Variants in SPSB1 observed in about 807,000 individuals in gnomAD.
SPSB1 encodes splA/ryanodine receptor domain and SOCS box containing 1.
Under a neutral mutation model 21.2 loss-of-function variants are expected in SPSB1, and 8 were observed. The observed-to-expected ratio is 0.38, with a 90% CI of 0.22 to 0.68. SPSB1 has a LOEUF of 0.68. Ranked by LOEUF, SPSB1 falls within the 30% of genes least tolerant of loss-of-function variation. The pLI is 0.53. For synonymous variants in SPSB1, 169 were observed against 161.7 expected (o/e 1.05, Z -0.34); for missense variants, 242 against 377.8 (o/e 0.64, Z 2.98).
intron 1 of SPSB1, among the ~76,000 whole-genome samples, chr1:9,349,502 G>A (rs541784244): frequency 9.2e-5 from 14 of 152,252 alleles, no homozygotes; most frequent in Non-Finnish European, 1.9e-4. Context: ...AGGCCTTGGC[G>A]CCAGCGCCGT....
At chr1:9,318,307 T>TAG (rs1639647594) in intron 1 of SPSB1, among the ~76,000 whole-genome samples, 1 of 152,190 alleles carries the variant, frequency 6.6e-6, no homozygotes, top group African/African-American at 2.4e-5. Context: ...CCCTTGCTGG[T>TAG]TGTTCTCTCC....
Position 9,345,316 on chromosome 1 carries a change from G to T in SPSB1, c.-149-10427G>T, listed in dbSNP as rs184076152. On this transcript the variant is annotated intron_variant, in intron 1 of 2. Transcript: ENST00000328089. The surrounding 1 kb of genome is among the most constrained non-coding windows in gnomAD (Gnocchi z 4.8). ...GGTGGCTCTTTTCTTGGAGATGGCC[G>T]TGGGGCTGCTTTTGGGCCTGCCTTT... Among the ~76,000 whole-genome samples, 36 of 152,300 alleles carry T rather than the reference G, an allele frequency of 2.4e-4. No homozygotes were observed. In the East Asian group the frequency reaches 6.4e-3, roughly 27 times the overall value.
intron 1 of SPSB1, among the ~76,000 whole-genome samples, chr1:9,310,233 C>T (rs1351584779): frequency 2.0e-5 from 3 of 152,220 alleles, no homozygotes; most frequent in Non-Finnish European, 2.9e-5. Context: ...GTCTAGGGCC[C>T]GTGCTGGTGG....
Position 9,353,433 on chromosome 1 carries a change from A to G in SPSB1, c.-149-2310A>G, listed in dbSNP as rs1299392724. 2.0e-5 allele frequency among the ~76,000 whole-genome samples: 3 copies of G among 152,154 alleles called. No individual in the cohort carries two copies. In the East Asian group the frequency reaches 5.8e-4, roughly 29 times the overall value. On this transcript the variant is annotated intron_variant, in intron 1 of 2. Transcript: ENST00000328089. The stretch of plus-strand genomic sequence containing the variant: ...AGTGGCTCCCAGGAGAGGAGATGGA[A>G]CTAAAAGCTTGAAAATGGGATTTTC...
chr1:9,307,152 T>G (rs1639429966), intron 1 of SPSB1, among the ~76,000 whole-genome samples: 1 of 152,142 alleles, frequency 6.6e-6, no homozygotes, highest in Non-Finnish European at 1.5e-5. Context: ...GGTCTCGAAC[T>G]CCTGACCTCA....
Position 9,356,004 on chromosome 1 carries a change from A to T in SPSB1, c.113A>T (p.Asp38Val). The T allele has an allele frequency of 6.2e-7, 1 of 1,614,134 alleles. No homozygotes were observed. The highest frequency in any genetic ancestry group is 8.5e-7 in the Non-Finnish European group (1 of 1,180,022). Residue 38 changes from aspartate to valine, a missense_variant, in exon 2 of 3, where the codon GAT becomes GTT. By Grantham distance (152) the Asp-to-Val change is radical (BLOSUM62 -3). Transcript: ENST00000328089. This position sits in a 1 kb window ranked among gnomAD's most constrained non-coding sequence, Gnocchi z 7.4. ...GATTACTGCAAGCCCACCCGGCTGG[A>T]TCTGCTACTGGACATGCCCCCTGTG... The part of the protein sequence containing the change: ...GLDYCKPTRL[D>V]LLLDMPPVSY...
intron 1 of SPSB1, among the ~76,000 whole-genome samples, chr1:9,325,235 C>CT (rs1019658228): frequency 6.8e-6 from 1 of 146,778 alleles, no homozygotes; most frequent in Non-Finnish European, 1.5e-5. Context: ...ACCCCCCCCC[C>CT]CCGCCCCGCC....
chr1:9,299,279 A>T (rs1167849280), intron 1 of SPSB1, among the ~76,000 whole-genome samples: 1 of 152,218 alleles, frequency 6.6e-6, no homozygotes, highest in Non-Finnish European at 1.5e-5. Flanking sequence ...TGATGGGTAT[A>T]TCAGCTCTCC....
At chr1:9,332,339 C>A (rs1639935144) in intron 1 of SPSB1, among the ~76,000 whole-genome samples, 1 of 152,074 alleles carries the variant, frequency 6.6e-6, no homozygotes, top group Non-Finnish European at 1.5e-5. Flanking sequence ...ATGGGGGCAG[C>A]AATTTACAAT....
intron 1 of SPSB1, among the ~76,000 whole-genome samples, chr1:9,306,097 G>A (rs1205568040): frequency 6.6e-6 from 1 of 152,202 alleles, no homozygotes. Context: ...CCATGCTCCT[G>A]CAGCGGGAGG....
At chr1:9,347,299 A>G (rs1640179647) in intron 1 of SPSB1, among the ~76,000 whole-genome samples, 1 of 152,264 alleles carries the variant, frequency 6.6e-6, no homozygotes, top group African/African-American at 2.4e-5. Context: ...CAGAACCTGT[A>G]GGAATTGCTT....
In SPSB1 at chr1:9,324,226, G is replaced by A. The variant is rs77938148; in HGVS notation, c.-150+31155G>A. 0.013 allele frequency among the ~76,000 whole-genome samples: 2,004 copies of A among 152,336 alleles called. 31 individuals are homozygous for A. Among genetic ancestry groups the A allele is most frequent in the Non-Finnish European group, 0.023 (1,566 of 68,034 alleles). Reference sequence around the variant, plus strand: ...CTCTGACGCAGCTGGAATGGGCCTAGGTGGGAGGGACTTTGTCTTTACTAC... The same window carrying A: ...CTCTGACGCAGCTGGAATGGGCCTAAGTGGGAGGGACTTTGTCTTTACTAC... On this transcript the variant is annotated intron_variant, in intron 1 of 2. Coordinates refer to ENST00000328089, the MANE Select transcript of SPSB1 (RefSeq NM_025106.4). This position sits in a 1 kb window ranked among gnomAD's most constrained non-coding sequence, Gnocchi z 4.3.
rs76961015 is a variant in SPSB1 at position 9,351,117 on chromosome 1, C to T, written c.-149-4626C>T. Among the ~76,000 whole-genome samples the T allele has an allele frequency of 1.3e-3, 201 of 152,314 alleles. 2 individuals are homozygous for T. Among genetic ancestry groups the T allele is most frequent in the African/African-American group, 4.4e-3 (184 of 41,586 alleles). ...ACAACAGCTCCTGGGCCAAATCTGGCCCACTGTCTATTTTTGTAAATAAAG... is the reference window on the plus strand; with the variant it reads ...ACAACAGCTCCTGGGCCAAATCTGGTCCACTGTCTATTTTTGTAAATAAAG... On this transcript the variant is annotated intron_variant, in intron 1 of 2. Coordinates refer to ENST00000328089, the MANE Select transcript of SPSB1 (RefSeq NM_025106.4).
intron 2 of SPSB1, among the ~76,000 whole-genome samples, chr1:9,357,511 C>T (rs1190696119): frequency 6.6e-5 from 10 of 152,170 alleles, no homozygotes; most frequent in Non-Finnish European, 8.8e-5. Context: ...AGGGCCTCTC[C>T]GGTAAATGAA....
At chr1:9,329,427 GA>G (rs1237149039) in intron 1 of SPSB1, among the ~76,000 whole-genome samples, 1 of 152,096 alleles carries the variant, frequency 6.6e-6, no homozygotes, top group Non-Finnish European at 1.5e-5. Flanking sequence ...CAGGTGAGAG[GA>G]TCCGAGGAAG....
intron 1 of SPSB1, among the ~76,000 whole-genome samples, chr1:9,295,819 T>C (rs1233744801): frequency 6.6e-6 from 1 of 152,196 alleles, no homozygotes; most frequent in Non-Finnish European, 1.5e-5. Flanking sequence ...GGGCATTTTG[T>C]ATCAATTTTT....
In SPSB1 at chr1:9,363,452, G is replaced by A. The variant is rs1045510420; in HGVS notation, c.695-3996G>A. ...CAAGTCCTCTACCCCACACAGCTGC[G>A]TTCACAGGGGATGGATTGTGGCAGC... is the stretch of plus-strand genomic sequence containing the variant. On this transcript the variant is annotated intron_variant, in intron 2 of 2. Coordinates refer to ENST00000328089, the MANE Select transcript of SPSB1 (RefSeq NM_025106.4). The surrounding 1 kb of genome is among the most constrained non-coding windows in gnomAD (Gnocchi z 4.5). Among the ~76,000 whole-genome samples the A allele has an allele frequency of 4.6e-5, 7 of 152,126 alleles. No individual in the cohort carries two copies. The highest frequency in any genetic ancestry group is 9.7e-5 in the African/African-American group (4 of 41,420).
intron 1 of SPSB1, among the ~76,000 whole-genome samples, chr1:9,333,093 C>T (rs138669166): frequency 1.5e-3 from 227 of 152,360 alleles, no homozygotes; most frequent in African/African-American, 4.7e-3. Flanking sequence ...ATCAGCCTCC[C>T]AGGTGCACAC....
At chr1:9,340,480 T>G (rs1640073274) in intron 1 of SPSB1, among the ~76,000 whole-genome samples, 1 of 152,256 alleles carries the variant, frequency 6.6e-6, no homozygotes, top group South Asian at 2.1e-4. Context: ...TCTTGCTGCC[T>G]CAGCAGAAAA....
Sources: gnomAD v4.1 joint callset for allele counts (sites outside exome capture counted in the v4.1 genomes callset) on GRCh38, gnomAD v4.1.1 for gene constraint, Gnocchi (gnomAD v3.1) non-coding constraint, MANE v1.5 for transcripts, NCBI Gene and HGNC (gene_info 2026-07-23, HGNC 2026-07-21) for gene names.